ARMH4: variants seen among roughly 807,000 people sequenced by gnomAD.
ARMH4 encodes armadillo-like helical domain-containing protein 4.
Under a neutral mutation model 61.9 loss-of-function variants are expected in ARMH4, and 49 were observed. The observed-to-expected ratio is 0.79, with a 90% CI of 0.63 to 1.00. The LOEUF (loss-of-function observed/expected upper bound fraction) is 1.00. ARMH4 is among the 50% of genes least tolerant of loss of function. The pLI, the probability that ARMH4 is intolerant of heterozygous loss-of-function variation, is 0.00. For missense variants in ARMH4, 934 were observed against 930.0 expected, an observed-to-expected ratio of 1.00 and a Z score of -0.06; for synonymous variants, 368 against 341.5, an observed-to-expected ratio of 1.08 and a Z score of -0.85.
intron 5 of ARMH4, among the ~76,000 whole-genome samples, chr14:58,095,686 AG>A (rs1245776141): frequency 6.6e-6 from 1 of 152,208 alleles, no homozygotes; most frequent in Non-Finnish European, 1.5e-5. Flanking sequence ...CATATTACAC[AG>A]GAAATCCCAG....
chr14:58,004,695 T>C lies in ARMH4; in HGVS notation c.*41A>G. 1 of 1,452,208 alleles carries C rather than the reference T, an allele frequency of 6.9e-7. No homozygotes were observed. The highest frequency in any genetic ancestry group is 9.6e-7 in the Non-Finnish European group (1 of 1,046,952). The allele number at this position is 1,452,208 out of a possible 1,614,324, so 90.0% of individuals were successfully genotyped here. On this transcript the variant is annotated 3_prime_UTR_variant, in exon 8 of 8. Coordinates refer to ENST00000267485, the MANE Select transcript of ARMH4 (RefSeq NM_001001872.4). ...TTCTGCTCCAAAATAAAAATTAGAA[T>C]AGTAGCATCGTTGAATATCCCAATT...
intron 4 of ARMH4, among the ~76,000 whole-genome samples, chr14:58,103,578 C>T (rs1327325806): frequency 6.9e-6 from 1 of 145,238 alleles, no homozygotes; most frequent in Non-Finnish European, 1.5e-5. Flanking sequence ...TAAACAGGAA[C>T]TGTCCAAAAA....
At chr14:58,050,480 C>CTA (rs1316000779) in intron 5 of ARMH4, among the ~76,000 whole-genome samples, 1 of 152,140 alleles carries the variant, frequency 6.6e-6, no homozygotes, top group East Asian at 1.9e-4. Flanking sequence ...CTACATTCTC[C>CTA]TATAGGAGGA....
intron 5 of ARMH4, among the ~76,000 whole-genome samples, chr14:58,040,536 T>C (rs1015929213): frequency 4.6e-5 from 7 of 152,344 alleles, no homozygotes; most frequent in Admixed American, 1.3e-4. Flanking sequence ...GGTGTATATG[T>C]AGCATATTTT....
chr14:58,102,276 GAGA>G (rs1281837274), intron 4 of ARMH4, among the ~76,000 whole-genome samples: 1 of 152,236 alleles, frequency 6.6e-6, no homozygotes, highest in Admixed American at 6.5e-5. Context: ...AGTCCCAGGA[GAGA>G]AGAACCATGG....
At chr14:58,043,866 GA>G (rs1369817014) in intron 5 of ARMH4, among the ~76,000 whole-genome samples, 1 of 152,180 alleles carries the variant, frequency 6.6e-6, no homozygotes. Flanking sequence ...TTGCTTCAAA[GA>G]GAATGAAATA....
At chr14:58,040,227 G>A (rs896535523) in intron 5 of ARMH4, among the ~76,000 whole-genome samples, 9 of 151,890 alleles carry the variant, frequency 5.9e-5, no homozygotes, top group Non-Finnish European at 1.2e-4. Context: ...AGGTAAACTC[G>A]TGTCACAGGG....
chr14:58,065,858 G>A (rs1884684596), intron 5 of ARMH4, among the ~76,000 whole-genome samples: 1 of 152,226 alleles, frequency 6.6e-6, no homozygotes, highest in Non-Finnish European at 1.5e-5. Context: ...TTGTGGTGGG[G>A]TCCACATAGC....
At chr14:58,064,530 C>T (rs891609941) in intron 5 of ARMH4, among the ~76,000 whole-genome samples, 1 of 152,114 alleles carries the variant, frequency 6.6e-6, no homozygotes, top group African/African-American at 2.4e-5. Flanking sequence ...ACACTTATTC[C>T]AATAATGTTG....
intron 5 of ARMH4, among the ~76,000 whole-genome samples, chr14:58,093,406 G>T (rs765254000): frequency 2.6e-5 from 4 of 152,098 alleles, no homozygotes; most frequent in Admixed American, 6.5e-5. Flanking sequence ...TCCCCAGGCT[G>T]TCCTCAAACT....
chr14:58,066,432 T>C (rs1303353237), intron 5 of ARMH4, among the ~76,000 whole-genome samples: 1 of 152,098 alleles, frequency 6.6e-6, no homozygotes, highest in Non-Finnish European at 1.5e-5. Flanking sequence ...AGTAATTGCT[T>C]CATAGGTACA....
intron 5 of ARMH4, among the ~76,000 whole-genome samples, chr14:58,023,648 T>C (rs1358790036): frequency 6.6e-6 from 1 of 152,196 alleles, no homozygotes; most frequent in African/African-American, 2.4e-5. Context: ...GAAAGATGAA[T>C]CCTTTCCAGA....
At chr14:58,140,774 G>A (rs1320357230) in intron 1 of ARMH4, among the ~76,000 whole-genome samples, 3 of 151,174 alleles carry the variant, frequency 2.0e-5, no homozygotes, top group African/African-American at 7.3e-5. Flanking sequence ...GTGGTGGCGG[G>A]CATCTGTAAT....
intron 4 of ARMH4, among the ~76,000 whole-genome samples, chr14:58,125,511 G>A (rs1287700727): frequency 6.6e-6 from 1 of 152,166 alleles, no homozygotes; most frequent in Non-Finnish European, 1.5e-5. Flanking sequence ...CTGCACTGCA[G>A]GCCATACATT....
At chr14:58,018,697 T>G (rs1040430743) in intron 5 of ARMH4, among the ~76,000 whole-genome samples, 34 of 152,204 alleles carry the variant, frequency 2.2e-4, no homozygotes, top group Admixed American at 1.9e-3. Flanking sequence ...GTACAGCCAT[T>G]ATAGAAAACA....
At chr14:58,049,081 CAA>C (rs577111575) in intron 5 of ARMH4, among the ~76,000 whole-genome samples, 6 of 151,234 alleles carry the variant, frequency 4.0e-5, no homozygotes, top group East Asian at 1.9e-4. Flanking sequence ...ATTAAAAACA[CAA>C]AAAAAATTAG....
At chr14:58,036,641 T>G (rs1415756479) in intron 5 of ARMH4, among the ~76,000 whole-genome samples, 2 of 131,710 alleles carry the variant, frequency 1.5e-5, no homozygotes, top group African/African-American at 5.6e-5. Context: ...TGACTGTTTA[T>G]CTAGAAAACC....
chr14:58,145,312 T>C (rs1887702214), intron 1 of ARMH4, among the ~76,000 whole-genome samples: 1 of 152,206 alleles, frequency 6.6e-6, no homozygotes, highest in African/African-American at 2.4e-5. Context: ...AAAATAATCA[T>C]TCAAATCCCT....
At chr14:58,076,731 A>C (rs906657851) in intron 5 of ARMH4, among the ~76,000 whole-genome samples, 3 of 152,176 alleles carry the variant, frequency 2.0e-5, no homozygotes, top group African/African-American at 7.2e-5. Flanking sequence ...GATCCTGGGT[A>C]AACTGAGAAA....
Sources: gnomAD v4.1 joint callset for allele counts (sites outside exome capture counted in the v4.1 genomes callset) on GRCh38, gnomAD v4.1.1 for gene constraint, MANE v1.5 for transcripts, NCBI Gene and HGNC (gene_info 2026-07-23, HGNC 2026-07-21) for gene names.